XXYLT1: variants seen among roughly 807,000 people sequenced by gnomAD.
XXYLT1 encodes the protein xyloside xylosyltransferase 1.
In XXYLT1, 20 loss-of-function variants were observed where a neutral mutation model predicts 28.9. That is an observed-to-expected ratio of 0.69 (90% CI 0.49 to 1.00). The LOEUF (loss-of-function observed/expected upper bound fraction) is 1.00, where lower values mean the gene tolerates loss of function less well. Ranked by LOEUF, XXYLT1 falls within the 50% of genes least tolerant of loss-of-function variation. The probability of loss-of-function intolerance (pLI) is 0.00; values close to 1 mark genes in which losing one functional copy is unlikely to be tolerated. For synonymous variants in XXYLT1, 257 were observed against 253.8 expected (o/e 1.01, Z -0.12); for missense variants, 542 against 560.1 (o/e 0.97, Z 0.33).
chr3:195,271,118 G>A lies in XXYLT1; in HGVS notation c.-60C>T, dbSNP rs1484763697. The stretch of plus-strand genomic sequence containing the variant: ...ACGCGGGAGAGCCCTCGGGTACCCG[G>A]ACGCCGGCGGCCACTTAGCCCCGGC... On this transcript the variant is annotated 5_prime_UTR_variant, in exon 1 of 4. Transcript: ENST00000310380. 2.3e-6 allele frequency: 3 copies of A among 1,277,054 alleles called. No homozygotes were observed. The highest frequency in any genetic ancestry group is 1.6e-5 in the African/African-American group (1 of 64,038). The allele number at this position is 1,277,054 out of a possible 1,614,324, so 79.1% of individuals were successfully genotyped here. A position where few individuals can be genotyped will look rare whatever the true frequency, so the allele number is the denominator to read the frequency against.
chr3:195,260,655 C>G (rs1360612407), intron 1 of XXYLT1, among the ~76,000 whole-genome samples: 1 of 152,176 alleles, frequency 6.6e-6, no homozygotes, highest in African/African-American at 2.4e-5. Flanking sequence ...CTCAACCGAC[C>G]CCTCCGAAAA....
At chr3:195,141,377 C>T (rs1475586993) in intron 3 of XXYLT1, among the ~76,000 whole-genome samples, 2 of 152,192 alleles carry the variant, frequency 1.3e-5, no homozygotes, top group African/African-American at 2.4e-5. Context: ...TAGTTTGCTA[C>T]GTGAGTGTCA....
chr3:195,141,314 T>C (rs958866423), intron 3 of XXYLT1, among the ~76,000 whole-genome samples: 2 of 152,216 alleles, frequency 1.3e-5, no homozygotes, highest in Admixed American at 1.3e-4. Context: ...TAACAGATGA[T>C]AGGTCCAGAT....
At chr3:195,226,629 G>A in intron 2 of XXYLT1, 80 bp downstream of exon 2, 1 of 1,530,854 alleles carries the variant, frequency 6.5e-7, no homozygotes, top group Non-Finnish European at 8.8e-7. Context: ...CTGATACAGG[G>A]CCTGGGCAGT....
intron 3 of XXYLT1, among the ~76,000 whole-genome samples, chr3:195,101,372 C>A (rs1716763173): frequency 6.6e-6 from 1 of 152,262 alleles, no homozygotes; most frequent in South Asian, 2.1e-4. Context: ...TGGTTAGTAT[C>A]TTTACTCTCA....
Position 195,257,599 on chromosome 3 carries a change from T to C in XXYLT1, c.504+12956A>G, listed in dbSNP as rs1210718127. On this transcript the variant is annotated intron_variant, in intron 1 of 3. Transcript: ENST00000310380. The surrounding 1 kb of genome is among the most constrained non-coding windows in gnomAD (Gnocchi z 4.3). Reference sequence around the variant, plus strand: ...GGCAGTCCAGCCAGGTGGATCACCATGGCAGCCAGGTACATCCTGGCTGGG... The same window carrying C: ...GGCAGTCCAGCCAGGTGGATCACCACGGCAGCCAGGTACATCCTGGCTGGG... Among the ~76,000 whole-genome samples, 1 of 152,118 alleles carries C rather than the reference T, an allele frequency of 6.6e-6. No individual in the cohort carries two copies. Among genetic ancestry groups the C allele is most frequent in the Non-Finnish European group, 1.5e-5 (1 of 67,992 alleles).
chr3:195,218,866 G>A (rs184969050), intron 2 of XXYLT1, among the ~76,000 whole-genome samples: 2,095 of 152,104 alleles, frequency 0.014, 16 homozygotes, highest in Non-Finnish European at 0.022. Flanking sequence ...ACACGCACCC[G>A]TATGTTTATT....
In XXYLT1 at chr3:195,174,947, G is replaced by A. The variant is rs1721588226; in HGVS notation, c.653-18366C>T. Among the ~76,000 whole-genome samples the A allele has an allele frequency of 2.6e-5, 4 of 152,036 alleles. No individual in the cohort carries two copies. The South Asian group carries it at 8.3e-4, about 32-fold the overall frequency. Reference sequence around the variant, plus strand: ...ACATCTGTTTGTTTACTTATCTATGGTTGGCCTCTCTCATAAGACTGTAAG... The same window carrying A: ...ACATCTGTTTGTTTACTTATCTATGATTGGCCTCTCTCATAAGACTGTAAG... On this transcript the variant is annotated intron_variant, in intron 2 of 3. Transcript: ENST00000310380.
At chr3:195,160,393 T>C (rs1024298675) in intron 2 of XXYLT1, among the ~76,000 whole-genome samples, 12 of 152,186 alleles carry the variant, frequency 7.9e-5, no homozygotes, top group African/African-American at 2.9e-4. Context: ...GGGCTTTCAC[T>C]GCAGAGCATC....
At chr3:195,254,156 C>G (rs144624173) in intron 1 of XXYLT1, among the ~76,000 whole-genome samples, 1 of 152,220 alleles carries the variant, frequency 6.6e-6, no homozygotes, top group Non-Finnish European at 1.5e-5. Flanking sequence ...TGGCCACAGA[C>G]GTCAGCAGTG....
chr3:195,243,630 T>C (rs1203737006), intron 1 of XXYLT1, among the ~76,000 whole-genome samples: 1 of 147,906 alleles, frequency 6.8e-6, no homozygotes, highest in Non-Finnish European at 1.5e-5. Context: ...GTCACTAACA[T>C]GTCCTGAAGA....
In XXYLT1 at chr3:195,070,039, C is replaced by A. The variant is rs376088495; in HGVS notation, c.858G>T (p.Pro286=). 1 of 1,601,224 alleles carries A rather than the reference C, an allele frequency of 6.2e-7. No individual in the cohort carries two copies. Among genetic ancestry groups the A allele is most frequent in the East Asian group, 2.2e-5 (1 of 44,872 alleles). The change falls in exon 4 of 4, where the codon CCG becomes CCT. Residue 286 remains proline, a synonymous_variant. Coordinates refer to ENST00000310380, the MANE Select transcript of XXYLT1 (RefSeq NM_152531.5). ...RVGGPPPEGL[P]GFNSGVMLLN... ...GCAACATCACCCCGCTGTTGAAGCC[C>A]GGCAGCCCCTCGGGGGGCGGGCCCC...
chr3:195,120,284 G>GCCTC (rs1553805985), intron 3 of XXYLT1, among the ~76,000 whole-genome samples: 1 of 111,646 alleles, frequency 9.0e-6, no homozygotes, highest in African/African-American at 3.7e-5. Context: ...CTGCTCAGAT[G>GCCTC]CCCCCCCCGC....
intron 3 of XXYLT1, among the ~76,000 whole-genome samples, chr3:195,081,818 CAGTGG>C (rs1329769182): frequency 6.6e-6 from 1 of 152,244 alleles, no homozygotes; most frequent in Non-Finnish European, 1.5e-5. Context: ...CTGCAGCAGC[CAGTGG>C]GCCCTGCAAC....
At chr3:195,246,256 C>A (rs1725019343) in intron 1 of XXYLT1, among the ~76,000 whole-genome samples, 1 of 152,228 alleles carries the variant, frequency 6.6e-6, no homozygotes, top group Admixed American at 6.5e-5. Flanking sequence ...GAAGACAAGG[C>A]TGTCACGACT....
intron 3 of XXYLT1, among the ~76,000 whole-genome samples, chr3:195,085,685 C>T (rs903481487): frequency 3.9e-5 from 6 of 152,226 alleles, no homozygotes; most frequent in Non-Finnish European, 8.8e-5. Context: ...CAGACTGATG[C>T]GGCGAGACCA....
rs544753994 is a variant in XXYLT1, at chr3:195,240,570, C to G, written c.505-13714G>C. ...GGCTGGCCCCACGCACGGAAAGATGCCAGGTTTCCCGGAAATCCCAAGGCC... is the reference window on the plus strand; with the variant it reads ...GGCTGGCCCCACGCACGGAAAGATGGCAGGTTTCCCGGAAATCCCAAGGCC... On this transcript the variant is annotated intron_variant, in intron 1 of 3. Transcript: ENST00000310380. The surrounding 1 kb of genome is among the most constrained non-coding windows in gnomAD (Gnocchi z 4.7). Among the ~76,000 whole-genome samples the G allele has an allele frequency of 6.6e-6, 1 of 152,288 alleles. No individual in the cohort carries two copies. The highest frequency in any genetic ancestry group is 6.5e-5 in the Admixed American group (1 of 15,292).
intron 3 of XXYLT1, among the ~76,000 whole-genome samples, chr3:195,088,525 T>C (rs1312814020): frequency 7.7e-6 from 1 of 129,640 alleles, no homozygotes; most frequent in Non-Finnish European, 1.7e-5. Context: ...AACCCATCTG[T>C]ACATCACCAT....
intron 1 of XXYLT1, among the ~76,000 whole-genome samples, chr3:195,247,062 T>C (rs1725051939): frequency 6.6e-6 from 1 of 152,198 alleles, no homozygotes; most frequent in Non-Finnish European, 1.5e-5. Flanking sequence ...CTAATTCACC[T>C]TTTCTATAAA....
Sources: allele counts gnomAD v4.1 joint callset (sites outside exome capture counted in the v4.1 genomes callset), GRCh38; gene constraint gnomAD v4.1.1; non-coding constraint Gnocchi (gnomAD v3.1); transcripts MANE v1.5; gene names NCBI Gene and HGNC (gene_info 2026-07-23, HGNC 2026-07-21).